Variants in LRRTM4 observed in about 807,000 individuals in gnomAD.
LRRTM4 encodes leucine-rich repeat transmembrane neuronal protein 4.
LRRTM4 carries 25 observed loss-of-function variants against 47.6 expected under a neutral mutation model. That is an observed-to-expected ratio of 0.53 (90% CI 0.38 to 0.73). LRRTM4 has a LOEUF of 0.73. LRRTM4 is among the 30% of genes least tolerant of loss of function. The pLI is 0.00. For missense variants in LRRTM4, 638 were observed against 713.4 expected (o/e 0.89, Z 1.20); for synonymous variants, 311 against 269.5 (o/e 1.15, Z -1.51).
chr2:77,120,758 T>C (rs1408336666), intron 3 of LRRTM4, among the ~76,000 whole-genome samples: 2 of 151,788 alleles, frequency 1.3e-5, no homozygotes, highest in African/African-American at 2.4e-5. Context: ...AATCTCCACA[T>C]TGAAAAAATA....
intron 3 of LRRTM4, among the ~76,000 whole-genome samples, chr2:76,776,090 T>C (rs965388968): frequency 2.0e-5 from 3 of 151,982 alleles, no homozygotes; most frequent in Admixed American, 6.6e-5. Context: ...CATGAACTCA[T>C]CATTTTTTAT....
At chr2:77,059,903 T>C (rs1313521116) in intron 3 of LRRTM4, among the ~76,000 whole-genome samples, 1 of 152,170 alleles carries the variant, frequency 6.6e-6, no homozygotes, top group African/African-American at 2.4e-5. Context: ...TTATCCCTAA[T>C]TGCTTGTCAA....
intron 3 of LRRTM4, among the ~76,000 whole-genome samples, chr2:77,433,777 A>G (rs1023162667): frequency 5.9e-5 from 9 of 152,204 alleles, no homozygotes; most frequent in Non-Finnish European, 1.3e-4. Flanking sequence ...GAAAATTCAC[A>G]AGCCACTGGG....
intron 3 of LRRTM4, among the ~76,000 whole-genome samples, chr2:76,809,778 C>G (rs1670672588): frequency 6.6e-6 from 1 of 152,168 alleles, no homozygotes; most frequent in Admixed American, 6.6e-5. Context: ...TCTCTGCTTT[C>G]TCATGTGGAT....
At chr2:77,136,003 A>G (rs1469549645) in intron 3 of LRRTM4, among the ~76,000 whole-genome samples, 1 of 152,200 alleles carries the variant, frequency 6.6e-6, no homozygotes, top group African/African-American at 2.4e-5. Context: ...AAAGGGTATT[A>G]AAAGGTTTAA....
intron 3 of LRRTM4, among the ~76,000 whole-genome samples, chr2:77,290,198 G>C (rs549186486): frequency 6.6e-6 from 1 of 151,910 alleles, no homozygotes; most frequent in Non-Finnish European, 1.5e-5. Context: ...AACTTTCCCA[G>C]TCACTATATG....
chr2:76,967,813 G>A (rs1461675619), intron 3 of LRRTM4, among the ~76,000 whole-genome samples: 1 of 148,566 alleles, frequency 6.7e-6, no homozygotes, highest in Non-Finnish European at 1.5e-5. Flanking sequence ...ATTTTGCTTT[G>A]CTTTTTTTTT....
chr2:77,284,503 C>T (rs73943823), intron 3 of LRRTM4, among the ~76,000 whole-genome samples: 18,010 of 152,032 alleles, frequency 0.12, 2,162 homozygotes, highest in African/African-American at 0.3. Flanking sequence ...CACATATACA[C>T]TTATTTAATA....
At chr2:77,436,076 T>A (rs1478601933) in intron 3 of LRRTM4, among the ~76,000 whole-genome samples, 3 of 152,244 alleles carry the variant, frequency 2.0e-5, no homozygotes, top group Admixed American at 6.5e-5. Flanking sequence ...AGGAGAGACA[T>A]TGATAAGTTC....
intron 3 of LRRTM4, among the ~76,000 whole-genome samples, chr2:77,068,598 T>A (rs1381740294): frequency 6.6e-6 from 1 of 152,242 alleles, no homozygotes; most frequent in Non-Finnish European, 1.5e-5. Flanking sequence ...TTGTATATGT[T>A]TTCAACGTTC....
intron 3 of LRRTM4, among the ~76,000 whole-genome samples, chr2:76,763,469 C>T (rs1326277325): frequency 6.6e-6 from 1 of 152,204 alleles, no homozygotes; most frequent in East Asian, 1.9e-4. Flanking sequence ...TCACCCACAA[C>T]CTAAGAGAAG....
At chr2:77,112,963 A>AT in intron 3 of LRRTM4, among the ~76,000 whole-genome samples, 1 of 152,130 alleles carries the variant, frequency 6.6e-6, no homozygotes, top group Non-Finnish European at 1.5e-5. Flanking sequence ...TCCGAGACAG[A>AT]TTTTTCAACC....
rs572545105 is a variant in LRRTM4, at chr2:77,093,913, C to T, written c.1552-344997G>A. 3.8e-4 allele frequency among the ~76,000 whole-genome samples: 58 copies of T among 151,234 alleles called. 1 individual carries two copies. Among genetic ancestry groups the T allele is most frequent in the African/African-American group, 1.4e-3 (57 of 40,674 alleles). The stretch of plus-strand genomic sequence containing the variant: ...AAAAACACCCCCACTGAGCACCTTG[C>T]GACCCCCACTCCTGCCCGCCAGAGA... On this transcript the variant is annotated intron_variant, in intron 3 of 3. Transcript: ENST00000409884.
intron 3 of LRRTM4, among the ~76,000 whole-genome samples, chr2:77,341,542 T>C (rs1481797999): frequency 6.6e-6 from 1 of 152,078 alleles, no homozygotes; most frequent in Non-Finnish European, 1.5e-5. Flanking sequence ...TAATTATACA[T>C]TAACTTTTCC....
chr2:76,885,187 C>G (rs1252781157), intron 3 of LRRTM4, among the ~76,000 whole-genome samples: 1 of 151,912 alleles, frequency 6.6e-6, no homozygotes, highest in Non-Finnish European at 1.5e-5. Context: ...AACTTCCAAA[C>G]TTACTCTAAT....
rs573480281 is a variant in LRRTM4, at chr2:77,350,118, C to A, written c.1551+168200G>T. 4.1e-4 allele frequency among the ~76,000 whole-genome samples: 61 copies of A among 148,384 alleles called. 2 individuals are homozygous for A. Among genetic ancestry groups the A allele is most frequent in the Admixed American group, 2.3e-3 (34 of 14,914 alleles). ...CGGGTGGATCATGAGGTCAGGAGAT[C>A]GAGACCATCCTGGCTAACAAGGTGA... On this transcript the variant is annotated intron_variant, in intron 3 of 3. Transcript: ENST00000409884.
chr2:76,943,347 A>G (rs561509211), intron 3 of LRRTM4, among the ~76,000 whole-genome samples: 21 of 152,144 alleles, frequency 1.4e-4, no homozygotes, highest in Non-Finnish European at 2.5e-4. Flanking sequence ...GAGGCAGGAG[A>G]ATAGCGTGAA....
At chr2:77,437,555 T>C (rs1675651967) in intron 3 of LRRTM4, among the ~76,000 whole-genome samples, 1 of 152,140 alleles carries the variant, frequency 6.6e-6, no homozygotes, top group Non-Finnish European at 1.5e-5. Flanking sequence ...AATAAAAGTA[T>C]ACTTCGAGTA....
chr2:77,095,590 C>T (rs533020574), intron 3 of LRRTM4, among the ~76,000 whole-genome samples: 6 of 151,522 alleles, frequency 4.0e-5, no homozygotes, highest in African/African-American at 1.5e-4. Flanking sequence ...ACTGCAACCT[C>T]CCCCTCCCCG....
Sources: gnomAD v4.1 joint callset for allele counts (sites outside exome capture counted in the v4.1 genomes callset) on GRCh38, gnomAD v4.1.1 for gene constraint, MANE v1.5 for transcripts, NCBI Gene and HGNC (gene_info 2026-07-23, HGNC 2026-07-21) for gene names.